TMEM132D: variants seen among roughly 807,000 people sequenced by gnomAD.
TMEM132D encodes the protein mature OL transmembrane protein.
A neutral mutation model predicts 62.3 loss-of-function variants in TMEM132D; 21 were observed. That is an observed-to-expected ratio of 0.34 (90% CI 0.24 to 0.49). The LOEUF (loss-of-function observed/expected upper bound fraction) is 0.49, where lower values mean the gene tolerates loss of function less well. Ranked by LOEUF, TMEM132D falls within the 20% of genes least tolerant of loss-of-function variation. The pLI is 0.99. For synonymous variants in TMEM132D, 621 were observed against 575.6 expected (o/e 1.08, Z -1.13); for missense variants, 1,346 against 1,402.8 (o/e 0.96, Z 0.65).
intron 3 of TMEM132D, among the ~76,000 whole-genome samples, chr12:129,369,582 C>T (rs984652121): frequency 1.3e-5 from 2 of 152,200 alleles, no homozygotes; most frequent in African/African-American, 2.4e-5. Flanking sequence ...AAGCTGGCTG[C>T]CTCTCTGTCT....
At chr12:129,145,941 C>A (rs939654250) in intron 5 of TMEM132D, among the ~76,000 whole-genome samples, 2 of 152,050 alleles carry the variant, frequency 1.3e-5, no homozygotes, top group South Asian at 4.1e-4. Flanking sequence ...CTTCAAGCGA[C>A]TAAAAGCCTA....
intron 4 of TMEM132D, among the ~76,000 whole-genome samples, chr12:129,284,918 G>T (rs1214716699): frequency 1.3e-5 from 2 of 152,182 alleles, no homozygotes; most frequent in Non-Finnish European, 2.9e-5. Flanking sequence ...GTAAGGGGAA[G>T]GAGTGGGGAA....
intron 3 of TMEM132D, among the ~76,000 whole-genome samples, chr12:129,383,136 T>C (rs1871001619): frequency 6.6e-6 from 1 of 152,190 alleles, no homozygotes; most frequent in Non-Finnish European, 1.5e-5. Context: ...GAGCTGCCCA[T>C]CTGAGCCGCC....
At chr12:129,604,871 A>G (rs553449291) in intron 2 of TMEM132D, among the ~76,000 whole-genome samples, 1 of 152,208 alleles carries the variant, frequency 6.6e-6, no homozygotes, top group Admixed American at 6.5e-5. Context: ...AATATTCAAC[A>G]ATACAAATGC....
At chr12:129,385,243 T>G (rs1449454550) in intron 3 of TMEM132D, among the ~76,000 whole-genome samples, 2 of 151,810 alleles carry the variant, frequency 1.3e-5, no homozygotes, top group Non-Finnish European at 2.9e-5. Flanking sequence ...GTAGTGGGGA[T>G]TACAGGTACG....
chr12:129,474,630 T>A (rs866813679), intron 3 of TMEM132D, among the ~76,000 whole-genome samples: 1 of 152,176 alleles, frequency 6.6e-6, no homozygotes, highest in South Asian at 2.1e-4. Flanking sequence ...TCTCGTCCCT[T>A]CGCGTTGACA....
At chr12:129,242,092 C>T (rs560220277) in intron 4 of TMEM132D, among the ~76,000 whole-genome samples, 72 of 152,346 alleles carry the variant, frequency 4.7e-4, no homozygotes, top group Non-Finnish European at 9.1e-4. Context: ...AGGATCTCCA[C>T]TGAGACACTA....
At chr12:129,520,227 A>G (rs1457013233) in intron 3 of TMEM132D, among the ~76,000 whole-genome samples, 2 of 152,202 alleles carry the variant, frequency 1.3e-5, no homozygotes, top group Non-Finnish European at 2.9e-5. Context: ...AGAGAACAAT[A>G]GTACACAGTG....
intron 2 of TMEM132D, among the ~76,000 whole-genome samples, chr12:129,614,289 T>C (rs1593089377): frequency 6.6e-6 from 1 of 152,228 alleles, no homozygotes; most frequent in Admixed American, 6.5e-5. Flanking sequence ...TTTTCTCACA[T>C]CATTGGATGT....
intron 2 of TMEM132D, among the ~76,000 whole-genome samples, chr12:129,553,381 T>C (rs138140985): frequency 5.5e-4 from 83 of 152,278 alleles, no homozygotes; most frequent in African/African-American, 1.8e-3. Context: ...GACAGGTCCA[T>C]GGCTTCCATA....
rs1327440919 is a variant in TMEM132D at position 129,874,704 on chromosome 12, T to TC, written c.79+28556_79+28557insG. On this transcript the variant is annotated intron_variant, in intron 1 of 8. Transcript: ENST00000422113. ...AAAAATGTTTTTCACATTTTTCTTT[T>TC]TTTTTTTTTTTTTTGAGATGGAGTT... Among the ~76,000 whole-genome samples the TC allele has an allele frequency of 4.1e-5, 6 of 146,096 alleles. No homozygotes were observed. In the South Asian group the frequency reaches 6.5e-4, roughly 16 times the overall value.
In TMEM132D at chr12:129,703,506, A is replaced by C. The variant is rs901407245; in HGVS notation, c.80-2808T>G. ...TAATACTACAAAAATAATGCCAATT[A>C]TGGTCCACGATGCACAGAATGAACG... is the stretch of plus-strand genomic sequence containing the variant. On this transcript the variant is annotated intron_variant, in intron 1 of 8. Transcript: ENST00000422113. Among the ~76,000 whole-genome samples, 8 of 150,474 alleles carry C rather than the reference A, an allele frequency of 5.3e-5. No homozygotes were observed. In the South Asian group the frequency reaches 8.4e-4, roughly 16 times the overall value.
intron 3 of TMEM132D, among the ~76,000 whole-genome samples, chr12:129,450,807 AG>A (rs1407641010): frequency 7.7e-6 from 1 of 129,480 alleles, no homozygotes; most frequent in Non-Finnish European, 1.5e-5. Context: ...CCCAGGCTGG[AG>A]TGCAGTGCTG....
intron 5 of TMEM132D, among the ~76,000 whole-genome samples, chr12:129,185,538 TTTA>T (rs1253887581): frequency 1.3e-5 from 2 of 151,756 alleles, no homozygotes; most frequent in East Asian, 1.9e-4. Context: ...TCACTTTTAT[TTTA>T]TTATTTTATT....
chr12:129,475,350 T>C (rs540107326), intron 3 of TMEM132D, among the ~76,000 whole-genome samples: 83 of 152,276 alleles, frequency 5.5e-4, no homozygotes, highest in African/African-American at 1.8e-3. Context: ...AGGCATTCCA[T>C]CCTTGTGTGA....
chr12:129,303,048 T>C (rs1304159688), intron 4 of TMEM132D, among the ~76,000 whole-genome samples: 1 of 152,174 alleles, frequency 6.6e-6, no homozygotes, highest in Non-Finnish European at 1.5e-5. Flanking sequence ...CCTCCCCACA[T>C]GTGTTCAATC....
chr12:129,446,117 T>G (rs1873091135), intron 3 of TMEM132D, among the ~76,000 whole-genome samples: 1 of 152,108 alleles, frequency 6.6e-6, no homozygotes, highest in Non-Finnish European at 1.5e-5. Flanking sequence ...GTGATAGGTG[T>G]TGGTTCTCAA....
chr12:129,719,213 C>T (rs1268612486), intron 1 of TMEM132D, among the ~76,000 whole-genome samples: 2 of 151,890 alleles, frequency 1.3e-5, no homozygotes, highest in Non-Finnish European at 2.9e-5. Flanking sequence ...GAGCCGAGAT[C>T]GCACGACTAC....
intron 3 of TMEM132D, among the ~76,000 whole-genome samples, chr12:129,439,486 A>G (rs1475608212): frequency 2.0e-5 from 3 of 151,956 alleles, no homozygotes; most frequent in Admixed American, 6.6e-5. Context: ...ATCTCACTCT[A>G]TTGCCCAGGT....
Sources: gnomAD v4.1 joint callset for allele counts (sites outside exome capture counted in the v4.1 genomes callset) on GRCh38, gnomAD v4.1.1 for gene constraint, MANE v1.5 for transcripts, NCBI Gene and HGNC (gene_info 2026-07-23, HGNC 2026-07-21) for gene names.